COP1: variants seen among roughly 807,000 people sequenced by gnomAD.
COP1 encodes the protein E3 ubiquitin-protein ligase COP1.
Under a neutral mutation model 101.3 loss-of-function variants are expected in COP1, and 24 were observed. The observed-to-expected ratio is 0.24, with a 90% confidence interval of 0.17 to 0.33. COP1 has a LOEUF of 0.33. Ranked by LOEUF, COP1 falls within the 10% of genes least tolerant of loss-of-function variation. The probability of loss-of-function intolerance (pLI) is 1.00; values close to 1 mark genes in which losing one functional copy is unlikely to be tolerated. For synonymous variants in COP1, 347 were observed against 341.9 expected (o/e 1.01, Z -0.17); for missense variants, 663 against 906.2 (o/e 0.73, Z 3.45).
intron 18 of COP1, among the ~76,000 whole-genome samples, chr1:175,953,411 G>C (rs1269697266): frequency 6.6e-6 from 1 of 152,068 alleles, no homozygotes; most frequent in Non-Finnish European, 1.5e-5. Flanking sequence ...TTAAAAGGCA[G>C]AGATTATAAG....
chr1:176,085,568 T>G (rs1679984335), intron 10 of COP1, among the ~76,000 whole-genome samples: 1 of 152,206 alleles, frequency 6.6e-6, no homozygotes, highest in East Asian at 1.9e-4. Flanking sequence ...ATATAAAGAT[T>G]CAGAATTCAC....
chr1:175,999,958 G>T (rs1334461727), intron 15 of COP1, among the ~76,000 whole-genome samples: 1 of 151,856 alleles, frequency 6.6e-6, no homozygotes, highest in East Asian at 1.9e-4. Context: ...TGGATTATTA[G>T]ATTTTTTTCC....
At chr1:175,991,819 C>T (rs1571450639) in intron 15 of COP1, among the ~76,000 whole-genome samples, 1 of 152,134 alleles carries the variant, frequency 6.6e-6, no homozygotes, top group African/African-American at 2.4e-5. Flanking sequence ...TTCACCTCCA[C>T]GTTTTGTCTC....
intron 15 of COP1, among the ~76,000 whole-genome samples, chr1:176,015,234 G>T (rs1178385001): frequency 6.6e-6 from 1 of 152,200 alleles, no homozygotes; most frequent in Non-Finnish European, 1.5e-5. Context: ...AAATTTATCT[G>T]AAAGAATATT....
chr1:176,162,524 TCA>T (rs2149943279), intron 5 of COP1, among the ~76,000 whole-genome samples: 1 of 152,206 alleles, frequency 6.6e-6, no homozygotes, highest in South Asian at 2.1e-4. Context: ...CCTCCAAATC[TCA>T]CATATGAAGA....
intron 15 of COP1, among the ~76,000 whole-genome samples, chr1:176,005,360 G>A (rs1031664700): frequency 1.3e-5 from 2 of 151,976 alleles, no homozygotes; most frequent in African/African-American, 4.8e-5. Flanking sequence ...CTTCAGTTCT[G>A]CTCTGATTTT....
At chr1:176,176,870 G>A (rs542319451) in intron 2 of COP1, among the ~76,000 whole-genome samples, 1 of 152,142 alleles carries the variant, frequency 6.6e-6, no homozygotes, top group African/African-American at 2.4e-5. Context: ...ATGTGGATAT[G>A]AACAATCTCA....
intron 11 of COP1, among the ~76,000 whole-genome samples, chr1:176,078,050 T>C (rs1678384335): frequency 6.6e-6 from 1 of 152,198 alleles, no homozygotes; most frequent in South Asian, 2.1e-4. Flanking sequence ...AGAATCGATA[T>C]TGCTAAAATG....
intron 9 of COP1, among the ~76,000 whole-genome samples, chr1:176,087,827 T>C (rs1680497817): frequency 6.6e-6 from 1 of 152,182 alleles, no homozygotes; most frequent in African/African-American, 2.4e-5. Flanking sequence ...GCAGCACTAT[T>C]CACAATAGCA....
At chr1:176,200,874 C>A (rs963605471) in intron 1 of COP1, among the ~76,000 whole-genome samples, 1 of 152,136 alleles carries the variant, frequency 6.6e-6, no homozygotes, top group African/African-American at 2.4e-5. Context: ...TACAACATCA[C>A]ATATAAAAAC....
chr1:176,051,802 TA>T (rs1411937080), intron 11 of COP1, among the ~76,000 whole-genome samples: 2 of 151,448 alleles, frequency 1.3e-5, no homozygotes, highest in African/African-American at 2.4e-5. Flanking sequence ...AACAAACAAA[TA>T]AAAAAAATTA....
At chr1:176,180,923 T>C (rs887250146) in intron 2 of COP1, among the ~76,000 whole-genome samples, 2 of 152,172 alleles carry the variant, frequency 1.3e-5, no homozygotes, top group Non-Finnish European at 2.9e-5. Context: ...GAGATGACGA[T>C]GCTGAAGGAC....
intron 9 of COP1, among the ~76,000 whole-genome samples, chr1:176,111,486 G>C (rs904190119): frequency 2.0e-5 from 3 of 151,964 alleles, no homozygotes; most frequent in Non-Finnish European, 2.9e-5. Context: ...GTAGAGACGG[G>C]GTTTCACCGT....
chr1:175,967,125 T>A (rs1571284014), intron 18 of COP1, among the ~76,000 whole-genome samples: 1 of 152,376 alleles, frequency 6.6e-6, no homozygotes, highest in Non-Finnish European at 1.5e-5. Context: ...GCTACTCATT[T>A]GACAACTGTC....
chr1:176,009,846 T>C (rs1193368158), intron 15 of COP1, among the ~76,000 whole-genome samples: 1 of 139,638 alleles, frequency 7.2e-6, no homozygotes, highest in Non-Finnish European at 1.6e-5. Context: ...TGTAATAACA[T>C]TATGATGTTA....
intron 9 of COP1, among the ~76,000 whole-genome samples, chr1:176,106,998 G>A (rs61821006): frequency 0.067 from 10,240 of 152,178 alleles, 427 homozygotes; most frequent in Middle Eastern, 0.12. Flanking sequence ...CCTAGCAGTG[G>A]AAGGACAAAG....
chr1:176,149,230 T>C (rs993558423), intron 5 of COP1, among the ~76,000 whole-genome samples, 156 bp from the exon 6 acceptor site: 10 of 152,148 alleles, frequency 6.6e-5, no homozygotes, highest in South Asian at 2.1e-4. Flanking sequence ...CATTTGCTAA[T>C]TGGCATTTTT....
intron 18 of COP1, among the ~76,000 whole-genome samples, chr1:175,973,602 T>TATA (rs1411657351): frequency 3.9e-5 from 6 of 152,138 alleles, no homozygotes; most frequent in Non-Finnish European, 7.4e-5. Context: ...TTTTGAAAAA[T>TATA]ATAATGGTTG....
chr1:176,049,178 C>CAAAA (rs61267982), intron 11 of COP1, among the ~76,000 whole-genome samples: 3 of 118,360 alleles, frequency 2.5e-5, no homozygotes, highest in African/African-American at 6.9e-5. Context: ...GACTCCGTCT[C>CAAAA]AAAAAAAAAA....
Sources: allele counts gnomAD v4.1 joint callset (sites outside exome capture counted in the v4.1 genomes callset), GRCh38; gene constraint gnomAD v4.1.1; transcripts MANE v1.5; gene names NCBI Gene and HGNC (gene_info 2026-07-23, HGNC 2026-07-21).